Variants in CTSA observed in about 807,000 individuals in gnomAD.
CTSA encodes cathepsin A.
Under a neutral mutation model 66.7 loss-of-function variants are expected in CTSA, and 42 were observed. The observed-to-expected ratio is 0.63, with a 90% CI of 0.49 to 0.81. The LOEUF (loss-of-function observed/expected upper bound fraction) is 0.81, where lower values mean the gene tolerates loss of function less well. CTSA is among the 40% of genes least tolerant of loss of function. The probability of loss-of-function intolerance (pLI) is 0.00; values close to 1 mark genes in which losing one functional copy is unlikely to be tolerated. For missense variants in CTSA, 525 were observed against 610.9 expected, an observed-to-expected ratio of 0.86 and a Z score of 1.48; for synonymous variants, 225 against 248.6, an observed-to-expected ratio of 0.91 and a Z score of 0.89.
At chr20:45,897,344 G>A (rs2083121736) in intron 12 of CTSA, 3 of 513,496 alleles carry the variant, frequency 5.8e-6, no homozygotes, top group Non-Finnish European at 1.1e-5. Flanking sequence ...TGCACAAGGT[G>A]ATATAGGAAG....
In CTSA at chr20:45,898,561, C is replaced by T; in HGVS notation, c.*111C>T. ...TGCAGGCCGGGTTCTGCCGCCAGGA[C>T]TGCCCCCTTCCCAGAGCCCTGTACA... On this transcript the variant is annotated 3_prime_UTR_variant, in exon 15 of 15. Coordinates refer to ENST00000646241, the MANE Select transcript of CTSA (RefSeq NM_000308.4). The surrounding 1 kb of genome is among the most constrained non-coding windows in gnomAD (Gnocchi z 4.6). 4.7e-6 allele frequency: 5 copies of T among 1,057,406 alleles called. No individual in the cohort carries two copies. Among genetic ancestry groups the T allele is most frequent in the South Asian group, 4.0e-5 (3 of 74,948 alleles). The allele number at this position is 1,057,406 out of a possible 1,614,324, so 65.5% of individuals were successfully genotyped here.
intron 12 of CTSA, 117 bp downstream of exon 12, chr20:45,897,157 C>A: frequency 1.1e-6 from 1 of 876,670 alleles, no homozygotes; most frequent in Non-Finnish European, 1.9e-6. Flanking sequence ...CTCCGAAAGG[C>A]GAAGCCCAGG....
intron 7 of CTSA, 161 bp downstream of exon 7, chr20:45,893,472 G>C: frequency 1.7e-6 from 1 of 590,742 alleles, no homozygotes; most frequent in Non-Finnish European, 3.0e-6. Flanking sequence ...ATAGAGATCA[G>C]TTTTTCTTTC....
chr20:45,892,703 T>G (rs1179479660), intron 5 of CTSA, 22 bp from the exon 6 acceptor site: 4 of 1,614,210 alleles, frequency 2.5e-6, no homozygotes, highest in Non-Finnish European at 3.4e-6. Flanking sequence ...TGATTCCCTC[T>G]GTCTTGCTCT....
Position 45,895,881 on chromosome 20 carries a change from G to A in CTSA, c.1088+748G>A, listed in dbSNP as rs940787759. 5.3e-5 allele frequency among the ~76,000 whole-genome samples: 8 copies of A among 152,206 alleles called. No individual in the cohort carries two copies. In the East Asian group the frequency reaches 9.7e-4, roughly 18 times the overall value. On this transcript the variant is annotated intron_variant, in intron 11 of 14. Transcript: ENST00000646241. Reference sequence around the variant, plus strand: ...ATTACAGGCGAGGGTCCCCACACCCGGCCATCACATTGGTTAATAACTATT... The same window carrying A: ...ATTACAGGCGAGGGTCCCCACACCCAGCCATCACATTGGTTAATAACTATT...
In CTSA at chr20:45,894,015, C is replaced by T; in HGVS notation, c.720C>T (p.Cys240=). ...TTTGGTCTTCTCTCCAGACCCACTGCTGCTCTCAAAACAAGTGTAACTTCT... is the reference window on the plus strand; with the variant it reads ...TTTGGTCTTCTCTCCAGACCCACTGTTGCTCTCAAAACAAGTGTAACTTCT... The part of the protein sequence containing the change: ...NRLWSSLQTH[C]CSQNKCNFYD... Residue 240 remains cysteine (C), a synonymous_variant, in exon 8 of 15, where the codon TGC becomes TGT. Coordinates refer to ENST00000646241, the MANE Select transcript of CTSA (RefSeq NM_000308.4). 6.2e-7 allele frequency: 1 copy of T among 1,612,590 alleles called. No individual in the cohort carries two copies. The highest frequency in any genetic ancestry group is 8.5e-7 in the Non-Finnish European group (1 of 1,178,764).
chr20:45,895,246 G>A lies in CTSA; in HGVS notation c.1088+113G>A, dbSNP rs186106343. 7.0e-5 allele frequency: 90 copies of A among 1,280,284 alleles called. No individual in the cohort carries two copies. In the East Asian group the frequency reaches 2.1e-3, roughly 30 times the overall value. 79.3% of individuals were successfully genotyped at this position (1,280,284 alleles called of 1,614,324 possible). A position where few individuals can be genotyped will look rare whatever the true frequency, so the allele number is the denominator to read the frequency against. On this transcript the variant is annotated intron_variant, in intron 11 of 14. Coordinates refer to ENST00000646241, the MANE Select transcript of CTSA (RefSeq NM_000308.4). ...GAGTTTCTCAATGAGATGAGCTGTA[G>A]AGGATGTTTAACATCCATCCCTGAC...
rs1444824737 is a variant in CTSA at position 45,891,767 on chromosome 20, G to T, written c.194+5G>T. 12 of 1,613,740 alleles carry T rather than the reference G, an allele frequency of 7.4e-6. No individual in the cohort carries two copies. The highest frequency in any genetic ancestry group is 1.3e-5 in the African/African-American group (1 of 74,940). On this transcript the variant is annotated splice_donor_5th_base_variant and intron_variant, in intron 2 of 14. Transcript: ENST00000646241. This position sits in a 1 kb window ranked among gnomAD's most constrained non-coding sequence, Gnocchi z 4.6. ...CTCCAAGCACCTCCACTACTGGTCT[G>T]CCGCCCTGCCTTCTGGGCGGGATTG...
In CTSA at chr20:45,896,717, G is replaced by A. The variant is rs113927759; in HGVS notation, c.1089-248G>A. The A allele has an allele frequency of 1.8e-3, 922 of 515,624 alleles. 5 individuals are homozygous for A. The highest frequency in any genetic ancestry group is 0.012 in the African/African-American group (606 of 51,920). 31.9% of individuals were successfully genotyped at this position (515,624 alleles called of 1,614,324 possible). On this transcript the variant is annotated intron_variant, in intron 11 of 14. Transcript: ENST00000646241. ...CTCCCAAAGTGCTAGGATTACAGGC[G>A]TGAGCCACCACGCCCAGCATCCCTG... is the stretch of plus-strand genomic sequence containing the variant.
intron 6 of CTSA, 166 bp from the exon 7 acceptor site, chr20:45,893,053 CA>C: frequency 1.1e-6 from 1 of 934,650 alleles, no homozygotes; most frequent in Non-Finnish European, 1.7e-6. Flanking sequence ...ACTCACCTGT[CA>C]GGCTGCCAGC....
At chr20:45,893,438 A>G in intron 7 of CTSA, 127 bp downstream of exon 7, 6 of 747,656 alleles carry the variant, frequency 8.0e-6, no homozygotes, top group Non-Finnish European at 1.5e-5. Context: ...TTGCAGAAAG[A>G]ACCTAGTGCT....
chr20:45,891,948 G>A lies in CTSA; in HGVS notation c.227G>A (p.Ser76Asn), dbSNP rs764370290. The A allele has an allele frequency of 1.9e-6, 3 of 1,614,074 alleles. No individual in the cohort carries two copies. The highest frequency in any genetic ancestry group is 2.7e-5 in the African/African-American group (2 of 74,944). Residue 76 changes from serine to asparagine, a missense_variant, in exon 3 of 15, where the codon AGC becomes AAC. Ser to Asn is a conservative substitution (Grantham distance 46, BLOSUM62 1). This residue lies in a region of CTSA where 246 missense variants were observed against 267.4 expected (regional missense o/e 0.92). Transcript: ENST00000646241. This position sits in a 1 kb window ranked among gnomAD's most constrained non-coding sequence, Gnocchi z 4.6. ...FVESQKDPEN[S>N]PVVLWLNGGP... is the part of the protein sequence containing the mutation. ...GAGTCCCAGAAGGATCCCGAGAACA[G>A]CCCTGTGGTGCTTTGGCTCAATGGG...
chr20:45,891,860 G>A lies in CTSA; in HGVS notation c.195-56G>A, dbSNP rs992858813. 6.2e-6 allele frequency: 10 copies of A among 1,608,784 alleles called. No individual in the cohort carries two copies. The highest frequency in any genetic ancestry group is 1.6e-4 in the Middle Eastern group (1 of 6,072). ...ACCCCTGAGGATGCCTGGGAGCCGGGAGGGCTGGAAAGGGCCCCTCCAACT... is the reference window on the plus strand; with the variant it reads ...ACCCCTGAGGATGCCTGGGAGCCGGAAGGGCTGGAAAGGGCCCCTCCAACT... On this transcript the variant is annotated intron_variant, in intron 2 of 14. Transcript: ENST00000646241. The surrounding 1 kb of genome is among the most constrained non-coding windows in gnomAD (Gnocchi z 4.6).
At position 45,891,400 on chromosome 20, in the gene CTSA, G is replaced by C. The variant is rs370694703; in HGVS notation, c.-1+21G>C. 516 of 1,564,052 alleles carry C rather than the reference G, an allele frequency of 3.3e-4. No individual in the cohort carries two copies. Among genetic ancestry groups the C allele is most frequent in the Non-Finnish European group, 4.4e-4 (503 of 1,155,130 alleles). ...CAGAGGTGAGCTGGCACCGGAGGCT[G>C]GAGGGGATCCCCGAGCCCGGGATCG... On this transcript the variant is annotated intron_variant, in intron 1 of 14. Coordinates refer to ENST00000646241, the MANE Select transcript of CTSA (RefSeq NM_000308.4). This position sits in a 1 kb window ranked among gnomAD's most constrained non-coding sequence, Gnocchi z 4.6.
At chr20:45,893,141 T>A in intron 6 of CTSA, 79 bp from the exon 7 acceptor site, 1 of 1,303,966 alleles carries the variant, frequency 7.7e-7, no homozygotes, top group Non-Finnish European at 1.1e-6. Context: ...TCCGGATTGC[T>A]GAAGGTCTGG....
Position 45,891,702 on chromosome 20 carries a change from C to G in CTSA, c.134C>G (p.Pro45Arg). 1 of 1,613,370 alleles carries G rather than the reference C, an allele frequency of 6.2e-7. No homozygotes were observed. The highest frequency in any genetic ancestry group is 8.5e-7 in the Non-Finnish European group (1 of 1,180,040). The change falls in exon 2 of 15, where the codon CCG becomes CGG. Residue 45 changes from proline to arginine, a missense_variant. Pro to Arg is a moderately radical substitution (Grantham distance 103). This residue lies in a region of CTSA where 246 missense variants were observed against 267.4 expected (regional missense o/e 0.92). Transcript: ENST00000646241. The surrounding 1 kb of genome is among the most constrained non-coding windows in gnomAD (Gnocchi z 4.6). ...CGCCTCCCCGGGCTGGCCAAGCAGC[C>G]GTCTTTCCGCCAGTACTCCGGCTAC... The part of the protein sequence containing the change: ...IQRLPGLAKQ[P>R]SFRQYSGYLK...
At position 45,891,817 on chromosome 20, in the gene CTSA, TGGG is replaced by T; in HGVS notation, c.194+59_194+61del. ...GGGAGAAGAGATGACGGATGAGGGA[TGGG>T]GGGTAGTTCTGCAGACCCCTGAGGA... is the stretch of plus-strand genomic sequence containing the variant. On this transcript the variant is annotated intron_variant, in intron 2 of 14. Coordinates refer to ENST00000646241, the MANE Select transcript of CTSA (RefSeq NM_000308.4). This position sits in a 1 kb window ranked among gnomAD's most constrained non-coding sequence, Gnocchi z 4.6. 6.2e-7 allele frequency: 1 copy of T among 1,611,900 alleles called. No homozygotes were observed. Among genetic ancestry groups the T allele is most frequent in the South Asian group, 1.1e-5 (1 of 91,026 alleles).
rs750797985 is a variant in CTSA at position 45,898,017 on chromosome 20, C to T, written c.1267C>T (p.Arg423Cys). 5.6e-6 allele frequency: 9 copies of T among 1,613,966 alleles called. No individual in the cohort carries two copies. Among genetic ancestry groups the T allele is most frequent in the African/African-American group, 1.3e-5 (1 of 74,888 alleles). The change falls in exon 14 of 15, where the codon CGC becomes TGC. Residue 423 changes from arginine to cysteine, a missense_variant. Physicochemically the swap from Arg to Cys is radical, Grantham distance 180. Transcript: ENST00000646241. This position sits in a 1 kb window ranked among gnomAD's most constrained non-coding sequence, Gnocchi z 4.6. ...CCTGGTGGGGCAGATGGAGGTGCAG[C>T]GCCGGCCCTGGTTAGTGAAGTACGG... ...DSLNQKMEVQRRPWLVKYGDS... is the reference protein window; with the variant it reads ...DSLNQKMEVQCRPWLVKYGDS...
chr20:45,894,315 G>A (rs1391117505), intron 8 of CTSA: 1 of 625,356 alleles, frequency 1.6e-6, no homozygotes, highest in African/African-American at 1.8e-5. Flanking sequence ...CACCTGCAAC[G>A]TGGCAGGCAC....
Sources: gnomAD v4.1 joint callset for allele counts (sites outside exome capture counted in the v4.1 genomes callset) on GRCh38, gnomAD v4.1.1 for gene constraint, gnomAD v4.1.1 regional missense constraint, Gnocchi (gnomAD v3.1) non-coding constraint, MANE v1.5 for transcripts, NCBI Gene and HGNC (gene_info 2026-07-23, HGNC 2026-07-21) for gene names.